Variants in SOX5 observed in about 807,000 individuals in gnomAD.
SOX5 encodes transcription factor SOX-5.
A neutral mutation model predicts 92.0 loss-of-function variants in SOX5; 9 were observed. The observed-to-expected ratio is 0.10, with a 90% CI of 0.06 to 0.17. The LOEUF is 0.17. Ranked by LOEUF, SOX5 falls within the 10% of genes least tolerant of loss-of-function variation. The probability of loss-of-function intolerance (pLI) is 1.00; values close to 1 mark genes in which losing one functional copy is unlikely to be tolerated. For synonymous variants in SOX5, 344 were observed against 336.3 expected (o/e 1.02, Z -0.25); for missense variants, 642 against 944.5 (o/e 0.68, Z 4.20).
intron 1 of SOX5, among the ~76,000 whole-genome samples, chr12:23,914,491 A>C (rs926256341): frequency 1.3e-5 from 2 of 152,134 alleles, no homozygotes; most frequent in African/African-American, 4.8e-5. Flanking sequence ...TTTCAATTTT[A>C]TTTCCTTAAA....
At chr12:24,412,472 G>A (rs1017699443) in intron 1 of SOX5, among the ~76,000 whole-genome samples, 4 of 151,698 alleles carry the variant, frequency 2.6e-5, no homozygotes, top group Non-Finnish European at 5.9e-5. Context: ...AAATTTTTAC[G>A]TGTTCTATTT....
chr12:24,144,828 CA>C lies in SOX5; in HGVS notation c.-2+68514del, dbSNP rs151325236. On this transcript the variant is annotated intron_variant, in intron 4 of 4. Coordinates refer to the SOX5 transcript ENST00000446891. ...TGGGTAAAAGAGCAAGACCCTGTCT[CA>C]AAAAAAAGAAAAAAATAGCACAAAG... Among the ~76,000 whole-genome samples the C allele has an allele frequency of 5.1e-3, 760 of 149,020 alleles. 9 individuals carry two copies. Among genetic ancestry groups the C allele is most frequent in the African/African-American group, 0.018 (721 of 40,378 alleles).
At chr12:24,093,665 T>C (rs1015392483) in intron 4 of SOX5, among the ~76,000 whole-genome samples, 3 of 151,660 alleles carry the variant, frequency 2.0e-5, no homozygotes, top group African/African-American at 7.3e-5. Flanking sequence ...ATTTATTTCT[T>C]GTCTGTTGAA....
chr12:24,001,633 C>T (rs955757118), intron 4 of SOX5, among the ~76,000 whole-genome samples: 4 of 151,266 alleles, frequency 2.6e-5, no homozygotes, highest in African/African-American at 9.7e-5. Context: ...GTCTAGGCAA[C>T]ACAGTGAGAC....
At chr12:23,796,026 C>T (rs184959984) in intron 3 of SOX5, among the ~76,000 whole-genome samples, 71 of 152,212 alleles carry the variant, frequency 4.7e-4, no homozygotes, top group African/African-American at 1.6e-3. Flanking sequence ...CATTCAGCCA[C>T]ATAAAGGGGA....
chr12:23,773,528 C>T lies in SOX5; in HGVS notation c.482-17804G>A, dbSNP rs142989110. On this transcript the variant is annotated intron_variant, in intron 3 of 14. Coordinates refer to ENST00000451604, the MANE Select transcript of SOX5 (RefSeq NM_006940.6). ...CTAGGACTACAGGCACGTGCCACCA[C>T]GTCTGACTAATTTTTGTATTTTTAG... 9.5e-4 allele frequency among the ~76,000 whole-genome samples: 145 copies of T among 152,202 alleles called. 1 individual carries two copies. The East Asian group carries it at 0.019, about 20-fold the overall frequency.
At chr12:24,481,557 A>G (rs551592464) in intron 1 of SOX5, among the ~76,000 whole-genome samples, 16 of 152,322 alleles carry the variant, frequency 1.1e-4, no homozygotes, top group African/African-American at 3.6e-4. Flanking sequence ...CTTACTAGGT[A>G]CCCGCAAAAA....
intron 1 of SOX5, among the ~76,000 whole-genome samples, chr12:24,472,077 G>A (rs188084575): frequency 6.6e-6 from 1 of 152,302 alleles, no homozygotes; most frequent in Admixed American, 6.5e-5. Flanking sequence ...CAACCATTTT[G>A]TTTAAAATAA....
At chr12:24,382,679 A>G (rs773671447) in intron 1 of SOX5, among the ~76,000 whole-genome samples, 1 of 152,308 alleles carries the variant, frequency 6.6e-6, no homozygotes, top group South Asian at 2.1e-4. Flanking sequence ...TATAGCCACA[A>G]TGAGAAATGA....
chr12:23,869,699 A>C (rs551947746), intron 2 of SOX5, among the ~76,000 whole-genome samples: 1 of 152,248 alleles, frequency 6.6e-6, no homozygotes, highest in Admixed American at 6.5e-5. Flanking sequence ...TGTTCTTTTC[A>C]TACTAAGACT....
intron 4 of SOX5, among the ~76,000 whole-genome samples, chr12:24,159,396 T>C (rs1486554068): frequency 1.3e-5 from 2 of 152,014 alleles, no homozygotes; most frequent in African/African-American, 4.8e-5. Context: ...AATTTGAATC[T>C]TAAGAAAAAT....
intron 2 of SOX5, among the ~76,000 whole-genome samples, chr12:24,327,385 C>CTTTTTTT (rs71063311): frequency 8.8e-5 from 5 of 56,690 alleles, no homozygotes; most frequent in Non-Finnish European, 1.3e-4. Flanking sequence ...GCAATGGAGA[C>CTTTTTTT]TTTTTTTTTT....
chr12:23,592,989 G>T (rs1268332681), intron 9 of SOX5, among the ~76,000 whole-genome samples: 2 of 152,058 alleles, frequency 1.3e-5, no homozygotes, highest in African/African-American at 2.4e-5. Flanking sequence ...TGAGACAGGA[G>T]AATTGCTTGA....
intron 3 of SOX5, among the ~76,000 whole-genome samples, chr12:24,276,572 C>A (rs1029126211): frequency 6.6e-6 from 1 of 152,144 alleles, no homozygotes; most frequent in African/African-American, 2.4e-5. Context: ...TGCATGATGA[C>A]TAGTCAATCA....
chr12:24,154,689 T>C (rs1951992606), intron 4 of SOX5, among the ~76,000 whole-genome samples: 1 of 152,000 alleles, frequency 6.6e-6, no homozygotes, highest in South Asian at 2.1e-4. Flanking sequence ...TAAAAGTGTA[T>C]AAACAACATA....
Position 24,439,044 on chromosome 12 carries a change from T to G in SOX5, c.-250-70405A>C, listed in dbSNP as rs56325252. Among the ~76,000 whole-genome samples, 788 of 152,314 alleles carry G rather than the reference T, an allele frequency of 5.2e-3. 4 individuals are homozygous for G. The highest frequency in any genetic ancestry group is 0.037 in the Middle Eastern group (11 of 294). ...TGACATGGCAAACTTTATTGTTGTC[T>G]TAGGTTAAGAAATTGTCACTGCCAC... On this transcript the variant is annotated intron_variant, in intron 1 of 4. Transcript: ENST00000446891.
chr12:23,592,903 A>G (rs1398860339), intron 9 of SOX5, among the ~76,000 whole-genome samples: 1 of 152,102 alleles, frequency 6.6e-6, no homozygotes, highest in African/African-American at 2.4e-5. Context: ...ACATGGTGAA[A>G]CCCCATCTCT....
intron 2 of SOX5, among the ~76,000 whole-genome samples, chr12:24,345,287 A>C (rs192727437): frequency 7.2e-4 from 109 of 152,364 alleles, no homozygotes; most frequent in African/African-American, 2.5e-3. Flanking sequence ...TAAATACTAA[A>C]AGTTCCCAGG....
chr12:24,320,446 T>G (rs1950098717), intron 2 of SOX5, among the ~76,000 whole-genome samples: 1 of 152,214 alleles, frequency 6.6e-6, no homozygotes, highest in Non-Finnish European at 1.5e-5. Context: ...CCTATATCTA[T>G]TCTTCAGAGC....
Sources: allele counts gnomAD v4.1 joint callset (sites outside exome capture counted in the v4.1 genomes callset), GRCh38; gene constraint gnomAD v4.1.1; transcripts MANE v1.5; gene names NCBI Gene and HGNC (gene_info 2026-07-23, HGNC 2026-07-21).